The following ALG6 variants were observed in gnomAD, a reference collection of about 807,000 sequenced individuals.
The protein encoded by ALG6 is ALG6 alpha-1,3-glucosyltransferase.
Under a neutral mutation model 66.6 loss-of-function variants are expected in ALG6, and 46 were observed. The ratio of observed to expected loss-of-function variants is 0.69; its 90% CI spans 0.55 to 0.88. ALG6 has a LOEUF of 0.88. Among genes scored for constraint, ALG6 ranks in the 40% least tolerant of loss-of-function variants. The pLI is 0.00. For synonymous variants in ALG6, 185 were observed against 203.7 expected (o/e 0.91, Z 0.78); for missense variants, 505 against 586.8 (o/e 0.86, Z 1.44).
chr1:63,424,260 C>T (rs1035441614), intron 12 of ALG6, among the ~76,000 whole-genome samples: 1 of 152,150 alleles, frequency 6.6e-6, no homozygotes, highest in Non-Finnish European at 1.5e-5. Context: ...CCTGCCTCAG[C>T]CTCCCGAGTA....
At chr1:63,435,311 C>T (rs991964881) in intron 14 of ALG6, among the ~76,000 whole-genome samples, 3 of 152,184 alleles carry the variant, frequency 2.0e-5, no homozygotes, top group Non-Finnish European at 2.9e-5. Context: ...AAGTTTGAAA[C>T]TTTTATTTTA....
rs1432161725 is a variant in ALG6, at chr1:63,437,030, TA to T, written c.*13del. The T allele has an allele frequency of 5.6e-6, 9 of 1,609,262 alleles. No homozygotes were observed. In the Admixed American group the frequency reaches 1.5e-4, roughly 27 times the overall value. ...GAAGAAAATCAGCTAGCTGTATTCCTAAACAAATTGTTTCCTAAACAAATGT... is the reference window on the plus strand; with the variant it reads ...GAAGAAAATCAGCTAGCTGTATTCCTAACAAATTGTTTCCTAAACAAATGT... On this transcript the variant is annotated 3_prime_UTR_variant, in exon 15 of 15. Coordinates refer to ENST00000263440, the MANE Select transcript of ALG6 (RefSeq NM_013339.4).
intron 9 of ALG6, chr1:63,413,529 C>T (rs1014564587): frequency 2.6e-5 from 4 of 154,816 alleles, no homozygotes; most frequent in South Asian, 2.0e-4. Flanking sequence ...GTGTAGAGAA[C>T]GGATTTCACC....
chr1:63,432,310 G>A (rs1032770178), intron 14 of ALG6, among the ~76,000 whole-genome samples: 1 of 146,110 alleles, frequency 6.8e-6, no homozygotes. Flanking sequence ...ATTGATTTTT[G>A]TATGTTACAC....
At chr1:63,420,120 A>G (rs995827097) in intron 12 of ALG6, among the ~76,000 whole-genome samples, 8 of 152,150 alleles carry the variant, frequency 5.3e-5, no homozygotes, top group African/African-American at 1.7e-4. Context: ...ACCAATGACA[A>G]ATGGCAGGCA....
Position 63,437,288 on chromosome 1 carries a change from CAT to C in ALG6, c.*269_*270del. On this transcript the variant is annotated 3_prime_UTR_variant, in exon 15 of 15. Coordinates refer to ENST00000263440, the MANE Select transcript of ALG6 (RefSeq NM_013339.4). Reference sequence around the variant, plus strand: ...TATTCAAGTGGGGAAAAAAGAGAAACATGTCCTTAATCCCATTGTTTACTCAG... The same window carrying C: ...TATTCAAGTGGGGAAAAAAGAGAAACGTCCTTAATCCCATTGTTTACTCAG... The C allele has an allele frequency of 2.6e-6, 1 of 391,414 alleles. No individual in the cohort carries two copies. The highest frequency in any genetic ancestry group is 4.8e-6 in the Non-Finnish European group (1 of 209,808). The allele number at this position is 391,414 out of a possible 1,614,324, so 24.2% of individuals were successfully genotyped here.
At position 63,396,598 on chromosome 1, in the gene ALG6, G is replaced by T; in HGVS notation, c.167+1G>T. 1 of 1,610,706 alleles carries T rather than the reference G, an allele frequency of 6.2e-7. No individual in the cohort carries two copies. Among genetic ancestry groups the T allele is most frequent in the Non-Finnish European group, 8.5e-7 (1 of 1,177,074 alleles). ...CTTTTAATTTACCGGTCAAACAATGGTATGATAATTTTAACTTGTTTTTCT... is the reference window on the plus strand; with the variant it reads ...CTTTTAATTTACCGGTCAAACAATGTTATGATAATTTTAACTTGTTTTTCT... On this transcript the variant is annotated splice_donor_variant, in intron 3 of 14. Transcript: ENST00000263440. LOFTEE classifies it high-confidence loss of function.
At chr1:63,404,646 T>G in intron 5 of ALG6, 105 bp downstream of exon 5, 1 of 873,614 alleles carries the variant, frequency 1.1e-6, no homozygotes, top group Non-Finnish European at 1.9e-6. Context: ...AATTGTGCAA[T>G]TACACAAACA....
intron 7 of ALG6, among the ~76,000 whole-genome samples, chr1:63,410,392 C>T (rs1644510259): frequency 1.3e-5 from 2 of 152,032 alleles, no homozygotes; most frequent in Admixed American, 1.3e-4. Context: ...GTAACTAGGA[C>T]TCCAGGCTTG....
At chr1:63,381,717 T>C (rs545933043) in intron 2 of ALG6, among the ~76,000 whole-genome samples, 1 of 152,270 alleles carries the variant, frequency 6.6e-6, no homozygotes, top group African/African-American at 2.4e-5. Context: ...CTCAACTCCA[T>C]CATAAAGAAT....
Position 63,411,307 on chromosome 1 carries a change from T to G in ALG6, c.656T>G (p.Phe219Cys). The G allele has an allele frequency of 6.2e-7, 1 of 1,613,810 alleles. No homozygotes were observed. The highest frequency in any genetic ancestry group is 8.5e-7 in the Non-Finnish European group (1 of 1,179,846). The change falls in exon 8 of 15, where the codon TTT (phenylalanine) becomes TGT (cysteine). Residue 219 changes from phenylalanine to cysteine, a missense_variant. Phe to Cys is a radical substitution (Grantham distance 205, BLOSUM62 -2). Transcript: ENST00000263440. ...PFFCFLLGKC[F>C]KKGLKGKGFV... ...TTTTGCTTTTTACTTGGCAAGTGTTTTAAAAAAGGCCTCAAAGGAAAGGGG... is the reference window on the plus strand; with the variant it reads ...TTTTGCTTTTTACTTGGCAAGTGTTGTAAAAAAGGCCTCAAAGGAAAGGGG...
chr1:63,437,245 G>A lies in ALG6; in HGVS notation c.*225G>A. 1 of 467,150 alleles carries A rather than the reference G, an allele frequency of 2.1e-6. No homozygotes were observed. The allele number at this position is 467,150 out of a possible 1,614,324, so 28.9% of individuals were successfully genotyped here. A position where few individuals can be genotyped will look rare whatever the true frequency, so the allele number is the denominator to read the frequency against. On this transcript the variant is annotated 3_prime_UTR_variant, in exon 15 of 15. Coordinates refer to ENST00000263440, the MANE Select transcript of ALG6 (RefSeq NM_013339.4). ...TAAGTACTGCTTGGCCAAAACATGT[G>A]GTTTTATTATTCACAGCTATTCAAG...
intron 2 of ALG6, among the ~76,000 whole-genome samples, chr1:63,396,218 G>C (rs1469527457): frequency 1.3e-5 from 2 of 152,100 alleles, no homozygotes; most frequent in Non-Finnish European, 1.5e-5. Context: ...GCACTATGCT[G>C]GGTATTTTAT....
chr1:63,401,167 G>C (rs1644463380), intron 3 of ALG6, among the ~76,000 whole-genome samples: 1 of 152,120 alleles, frequency 6.6e-6, no homozygotes, highest in Non-Finnish European at 1.5e-5. Context: ...TCTATGCCCA[G>C]ATGTCTTGGC....
chr1:63,369,075 A>T (rs1277551967), intron 1 of ALG6, among the ~76,000 whole-genome samples: 1 of 151,782 alleles, frequency 6.6e-6, no homozygotes, highest in African/African-American at 2.4e-5. Context: ...TATGATATGT[A>T]TTCTTTGGTG....
In ALG6 at chr1:63,437,195, G is replaced by A; in HGVS notation, c.*175G>A. 2 of 595,822 alleles carry A rather than the reference G, an allele frequency of 3.4e-6. No homozygotes were observed. Among genetic ancestry groups the A allele is most frequent in the Non-Finnish European group, 5.8e-6 (2 of 345,432 alleles). The allele number at this position is 595,822 out of a possible 1,614,324, so 36.9% of individuals were successfully genotyped here. ...TCTACACAAAATAAATGTATATGGA[G>A]ACCAAAGACCAATGGAGGCTTGTCT... is the stretch of plus-strand genomic sequence containing the variant. On this transcript the variant is annotated 3_prime_UTR_variant, in exon 15 of 15. Coordinates refer to ENST00000263440, the MANE Select transcript of ALG6 (RefSeq NM_013339.4).
In ALG6 at chr1:63,400,348, T is replaced by C. The variant is rs555465317; in HGVS notation, c.168-1906T>C. 3.2e-4 allele frequency among the ~76,000 whole-genome samples: 33 copies of C among 104,418 alleles called. 6 individuals are homozygous for C. The highest frequency in any genetic ancestry group is 3.4e-4 in the Non-Finnish European group (19 of 55,926). The allele number at this position is 104,418 out of a possible 152,430, so 68.5% of individuals were successfully genotyped here. On this transcript the variant is annotated intron_variant, in intron 3 of 14. Transcript: ENST00000263440. ...ATATATATATATACGTATATATATA[T>C]GTATATATATATGTATATATATGTA...
At chr1:63,397,069 G>A (rs12748088) in intron 3 of ALG6, among the ~76,000 whole-genome samples, 149,724 of 152,160 alleles carry the variant, frequency 0.98, 73,672 homozygotes, top group East Asian at 1. Context: ...TTCAACTCTG[G>A]AAATTTCGCA....
chr1:63,430,336 T>G (rs1355887822), intron 14 of ALG6, among the ~76,000 whole-genome samples: 2 of 152,240 alleles, frequency 1.3e-5, no homozygotes, highest in African/African-American at 4.8e-5. Flanking sequence ...TTTAGTGTTA[T>G]GAATATAATA....
Sources: allele counts gnomAD v4.1 joint callset (sites outside exome capture counted in the v4.1 genomes callset), GRCh38; gene constraint gnomAD v4.1.1; transcripts MANE v1.5; gene names NCBI Gene and HGNC (gene_info 2026-07-23, HGNC 2026-07-21).